MAP3K4: variants seen among roughly 807,000 people sequenced by gnomAD.
The protein encoded by MAP3K4 is mitogen-activated protein kinase kinase kinase 4.
MAP3K4 carries 67 observed loss-of-function variants against 185.6 expected under a neutral mutation model. The ratio of observed to expected loss-of-function variants is 0.36; its 90% CI spans 0.30 to 0.44. MAP3K4 has a LOEUF of 0.44. Among genes scored for constraint, MAP3K4 ranks in the 20% least tolerant of loss-of-function variants. The pLI, the probability that MAP3K4 is intolerant of heterozygous loss-of-function variation, is 1.00. For synonymous variants in MAP3K4, 702 were observed against 710.4 expected (o/e 0.99, Z 0.19); for missense variants, 1,551 against 1,995.1 (o/e 0.78, Z 4.24).
Position 161,034,024 on chromosome 6 carries a change from C to G in MAP3K4, c.153-235C>G, listed in dbSNP as rs146920223. ...GAAACAGAAAGCATAACAGCTCTAC[C>G]CATGTGGTACTCCTTGTTCATGGTA... On this transcript the variant is annotated intron_variant, in intron 1 of 26. Transcript: ENST00000392142. The surrounding 1 kb of genome is among the most constrained non-coding windows in gnomAD (Gnocchi z 4.4). Among the ~76,000 whole-genome samples the G allele has an allele frequency of 4.7e-4, 72 of 152,236 alleles. No homozygotes were observed. The highest frequency in any genetic ancestry group is 7.2e-4 in the Non-Finnish European group (49 of 68,014).
chr6:161,056,257 C>G lies in MAP3K4; in HGVS notation c.1707+6278C>G, dbSNP rs896244487. ...ATTTTCCCTCGTTCTGTCCTAGGAT[C>G]AGCCATTTCTCCAAGGAGCTCTGGT... On this transcript the variant is annotated intron_variant, in intron 3 of 26. Transcript: ENST00000392142. The surrounding 1 kb of genome is among the most constrained non-coding windows in gnomAD (Gnocchi z 5.4). 6.6e-6 allele frequency among the ~76,000 whole-genome samples: 1 copy of G among 152,158 alleles called. No individual in the cohort carries two copies. The highest frequency in any genetic ancestry group is 2.4e-5 in the African/African-American group (1 of 41,422).
Position 161,049,308 on chromosome 6 carries a change from C to A in MAP3K4, c.1036C>A (p.Arg346Ser), listed in dbSNP as rs763787914. ...GYSTHHEHLQ[R>S]QRVSFEQVKR... ...CTCAACACATCATGAGCATCTCCAA[C>A]GCCAGAGGGTCTCATTTGAGCAGGT... The change falls in exon 3 of 27, where the codon CGC (arginine) becomes AGC (serine). Residue 346 changes from arginine (R) to serine (S), a missense_variant. Arg to Ser is a moderately radical substitution (Grantham distance 110, BLOSUM62 -1). Transcript: ENST00000392142. The surrounding 1 kb of genome is among the most constrained non-coding windows in gnomAD (Gnocchi z 8.4). 5 of 1,614,138 alleles carry A rather than the reference C, an allele frequency of 3.1e-6. No homozygotes were observed. Among genetic ancestry groups the A allele is most frequent in the Non-Finnish European group, 4.2e-6 (5 of 1,180,012 alleles).
rs1307802393 is a variant in MAP3K4 at position 161,075,873 on chromosome 6, G to T, written c.2097+2261G>T. The stretch of plus-strand genomic sequence containing the variant: ...GTTTTAAAATTATGGCCTATAATGT[G>T]CTAGAAGGATCAGGGCAAAGGTGTG... On this transcript the variant is annotated intron_variant, in intron 5 of 26. Transcript: ENST00000392142. This position sits in a 1 kb window ranked among gnomAD's most constrained non-coding sequence, Gnocchi z 4.3. Among the ~76,000 whole-genome samples, 3 of 152,162 alleles carry T rather than the reference G, an allele frequency of 2.0e-5. No homozygotes were observed. The highest frequency in any genetic ancestry group is 4.4e-5 in the Non-Finnish European group (3 of 68,026).
At chr6:161,090,528 C>T (rs941715834) in intron 11 of MAP3K4, among the ~76,000 whole-genome samples, 3 of 147,726 alleles carry the variant, frequency 2.0e-5, no homozygotes, top group Admixed American at 1.3e-4. Flanking sequence ...GGCTGTCCTG[C>T]GCATTGTAGG....
In MAP3K4 at chr6:161,053,365, G is replaced by T. The variant is rs918775271; in HGVS notation, c.1707+3386G>T. On this transcript the variant is annotated intron_variant, in intron 3 of 26. Transcript: ENST00000392142. The surrounding 1 kb of genome is among the most constrained non-coding windows in gnomAD (Gnocchi z 4.2). ...GGATTACTATTCAACATAGGGTGGG[G>T]ACACAGATCCACATCTTATCAAATG... 4.6e-5 allele frequency among the ~76,000 whole-genome samples: 7 copies of T among 152,162 alleles called. No homozygotes were observed. The highest frequency in any genetic ancestry group is 7.2e-5 in the African/African-American group (3 of 41,428).
Position 161,106,810 on chromosome 6 carries a change from G to A in MAP3K4, c.4048+105G>A, listed in dbSNP as rs183853347. On this transcript the variant is annotated intron_variant, in intron 20 of 26. Coordinates refer to ENST00000392142, the MANE Select transcript of MAP3K4 (RefSeq NM_005922.4). This position sits in a 1 kb window ranked among gnomAD's most constrained non-coding sequence, Gnocchi z 4.9. ...ATAGAGTTGGCCCTTTTTTCTTGTA[G>A]ACATAGCAAGTATGCATTGTTATCT... 2.1e-3 allele frequency: 1,905 copies of A among 890,066 alleles called. 5 individuals carry two copies. The highest frequency in any genetic ancestry group is 2.5e-3 in the Non-Finnish European group (1,524 of 621,096). The allele number at this position is 890,066 out of a possible 1,614,324, so 55.1% of individuals were successfully genotyped here.
rs1215260254 is a variant in MAP3K4 at position 161,082,989 on chromosome 6, A to G, written c.2256-1512A>G. ...GGCCCGCAAGGCCTGACATGGTCCT[A>G]TTTCTCATTACGTCTTTGTCCTCCT... On this transcript the variant is annotated intron_variant, in intron 6 of 26. Coordinates refer to ENST00000392142, the MANE Select transcript of MAP3K4 (RefSeq NM_005922.4). This position sits in a 1 kb window ranked among gnomAD's most constrained non-coding sequence, Gnocchi z 4.2. Among the ~76,000 whole-genome samples, 1 of 152,064 alleles carries G rather than the reference A, an allele frequency of 6.6e-6. No individual in the cohort carries two copies. Among genetic ancestry groups the G allele is most frequent in the African/African-American group, 2.4e-5 (1 of 41,394 alleles).
rs571649579 is a variant in MAP3K4 at position 161,005,175 on chromosome 6, G to A, written c.152+13092G>A. On this transcript the variant is annotated intron_variant, in intron 1 of 26. Transcript: ENST00000392142. Reference sequence around the variant, plus strand: ...TTTTTTTGAGACAGGGTCTCACTCTGTTGTCCAGGCTGGGGTGCGGTGGTA... The same window carrying A: ...TTTTTTTGAGACAGGGTCTCACTCTATTGTCCAGGCTGGGGTGCGGTGGTA... 4.1e-5 allele frequency among the ~76,000 whole-genome samples: 6 copies of A among 145,140 alleles called. No individual in the cohort carries two copies. The Admixed American group carries it at 4.2e-4, about 10-fold the overall frequency.
At chr6:161,045,217 G>A (rs1245487460) in intron 2 of MAP3K4, among the ~76,000 whole-genome samples, 1 of 151,942 alleles carries the variant, frequency 6.6e-6, no homozygotes, top group Non-Finnish European at 1.5e-5. Context: ...CTTGGGTTTT[G>A]TTTTGGGGTG....
Position 161,048,216 on chromosome 6 carries a change from T to C in MAP3K4, c.344-400T>C, listed in dbSNP as rs1457463165. On this transcript the variant is annotated intron_variant, in intron 2 of 26. Transcript: ENST00000392142. This position sits in a 1 kb window ranked among gnomAD's most constrained non-coding sequence, Gnocchi z 4.7. ...GTTTACACATTTAGCTAATGACAAA[T>C]GCAGGAATTAAATATATTTTCTCAT... The C allele has an allele frequency of 1.9e-6, 1 of 531,834 alleles. No homozygotes were observed. The highest frequency in any genetic ancestry group is 1.9e-5 in the African/African-American group (1 of 51,918). 32.9% of individuals were successfully genotyped at this position (531,834 alleles called of 1,614,324 possible). A position where few individuals can be genotyped will look rare whatever the true frequency, so the allele number is the denominator to read the frequency against.
chr6:161,051,132 A>C lies in MAP3K4; in HGVS notation c.1707+1153A>C, dbSNP rs1783985108. Among the ~76,000 whole-genome samples, 2 of 152,370 alleles carry C rather than the reference A, an allele frequency of 1.3e-5. No individual in the cohort carries two copies. Among genetic ancestry groups the C allele is most frequent in the South Asian group, 4.1e-4 (2 of 4,824 alleles). On this transcript the variant is annotated intron_variant, in intron 3 of 26. Coordinates refer to ENST00000392142, the MANE Select transcript of MAP3K4 (RefSeq NM_005922.4). The surrounding 1 kb of genome is among the most constrained non-coding windows in gnomAD (Gnocchi z 4.2). ...AAAAGTTTGTACATGTTTAATACAG[A>C]TGTAGTTTTTCTTCCCAAATATTTC...
At chr6:161,058,579 C>T (rs916602612) in intron 3 of MAP3K4, among the ~76,000 whole-genome samples, 1 of 152,192 alleles carries the variant, frequency 6.6e-6, no homozygotes, top group African/African-American at 2.4e-5. Context: ...TCCTCTGTCA[C>T]TGCTCAGAGT....
Position 161,109,684 on chromosome 6 carries a change from T to G in MAP3K4, c.4237-71T>G. ...CCTTTGGGGTGTGGCCTAGGAAGTT[T>G]TCCAGATTTTTCACTAGCGTACATC... On this transcript the variant is annotated intron_variant, in intron 22 of 26. Transcript: ENST00000392142. This position sits in a 1 kb window ranked among gnomAD's most constrained non-coding sequence, Gnocchi z 5.7. 6.5e-7 allele frequency: 1 copy of G among 1,539,306 alleles called. No homozygotes were observed. The highest frequency in any genetic ancestry group is 1.4e-5 in the African/African-American group (1 of 73,462).
chr6:161,030,955 G>A (rs1782899436), intron 1 of MAP3K4, among the ~76,000 whole-genome samples: 1 of 152,128 alleles, frequency 6.6e-6, no homozygotes, highest in Non-Finnish European at 1.5e-5. Flanking sequence ...TAAGTATAGT[G>A]GCTGGTAGTA....
intron 1 of MAP3K4, among the ~76,000 whole-genome samples, chr6:161,000,445 G>T (rs1007119863): frequency 6.6e-5 from 10 of 152,172 alleles, no homozygotes; most frequent in African/African-American, 2.4e-4. Flanking sequence ...TTACCCGAAG[G>T]CAAGAGTAAG....
chr6:161,101,175 C>T lies in MAP3K4; in HGVS notation c.3675-717C>T, dbSNP rs935140268. The T allele has an allele frequency of 6.6e-6, 1 of 152,042 alleles. No homozygotes were observed. The highest frequency in any genetic ancestry group is 2.4e-5 in the African/African-American group (1 of 41,396). The allele number at this position is 152,042 out of a possible 1,614,324, so 9.4% of individuals were successfully genotyped here. On this transcript the variant is annotated intron_variant, in intron 17 of 26. Coordinates refer to ENST00000392142, the MANE Select transcript of MAP3K4 (RefSeq NM_005922.4). This position sits in a 1 kb window ranked among gnomAD's most constrained non-coding sequence, Gnocchi z 5.1. ...ATTCCCTATTTAGTTTTAATTTTTA[C>T]TCTTTATGGGTTCATTCTGGTTGCT... is the stretch of plus-strand genomic sequence containing the variant.
rs973663200 is a variant in MAP3K4, at chr6:160,996,981, G to A, written c.152+4898G>A. On this transcript the variant is annotated intron_variant, in intron 1 of 26. Coordinates refer to ENST00000392142, the MANE Select transcript of MAP3K4 (RefSeq NM_005922.4). The surrounding 1 kb of genome is among the most constrained non-coding windows in gnomAD (Gnocchi z 4.5). ...CAGTGTGATCCAGACTTACTCTTAGGTTTTTATTTTCTAGGCATCACACAG... is the reference window on the plus strand; with the variant it reads ...CAGTGTGATCCAGACTTACTCTTAGATTTTTATTTTCTAGGCATCACACAG... Among the ~76,000 whole-genome samples, 27 of 152,124 alleles carry A rather than the reference G, an allele frequency of 1.8e-4. No individual in the cohort carries two copies. The highest frequency in any genetic ancestry group is 2.9e-5 in the Non-Finnish European group (2 of 68,014).
intron 2 of MAP3K4, among the ~76,000 whole-genome samples, chr6:161,040,267 AC>A (rs1256032933): frequency 3.3e-5 from 5 of 152,218 alleles, no homozygotes; most frequent in Non-Finnish European, 7.3e-5. Flanking sequence ...TATGAAATTT[AC>A]TGGAAATATG....
At position 161,091,316 on chromosome 6, in the gene MAP3K4, A is replaced by C. The variant is rs2114867090; in HGVS notation, c.2974-63A>C. ...GTGATGATGAACGAAATCTTCCTTT[A>C]AAATGTGGTAAGTATTGTATGATTT... is the stretch of plus-strand genomic sequence containing the variant. On this transcript the variant is annotated intron_variant, in intron 11 of 26. Coordinates refer to ENST00000392142, the MANE Select transcript of MAP3K4 (RefSeq NM_005922.4). This position sits in a 1 kb window ranked among gnomAD's most constrained non-coding sequence, Gnocchi z 5.5. The C allele has an allele frequency of 7.3e-7, 1 of 1,368,472 alleles. No individual in the cohort carries two copies. Among genetic ancestry groups the C allele is most frequent in the South Asian group, 1.5e-5 (1 of 65,372 alleles). 84.8% of individuals were successfully genotyped at this position (1,368,472 alleles called of 1,614,324 possible).
Sources: gnomAD v4.1 joint callset for allele counts (sites outside exome capture counted in the v4.1 genomes callset) on GRCh38, gnomAD v4.1.1 for gene constraint, Gnocchi (gnomAD v3.1) non-coding constraint, MANE v1.5 for transcripts, NCBI Gene and HGNC (gene_info 2026-07-23, HGNC 2026-07-21) for gene names.